The following ADAMTS14 variants were observed in gnomAD, a reference collection of about 807,000 sequenced individuals.
ADAMTS14 encodes A disintegrin and metalloproteinase with thrombospondin motifs 14.
In ADAMTS14, 100 loss-of-function variants were observed where a neutral mutation model predicts 128.6. The observed-to-expected ratio is 0.78, with a 90% CI of 0.66 to 0.92. The LOEUF (loss-of-function observed/expected upper bound fraction) is 0.92, where lower values mean the gene tolerates loss of function less well. ADAMTS14 is among the 40% of genes least tolerant of loss of function. The probability of loss-of-function intolerance (pLI) is 0.00; values close to 1 mark genes in which losing one functional copy is unlikely to be tolerated. For missense variants in ADAMTS14, 1,562 were observed against 1,658.6 expected, an observed-to-expected ratio of 0.94 and a Z score of 1.01; for synonymous variants, 665 against 653.8, an observed-to-expected ratio of 1.02 and a Z score of -0.26.
chr10:70,708,578 T>C lies in ADAMTS14; in HGVS notation c.680-10T>C. The C allele has an allele frequency of 6.3e-7, 1 of 1,596,728 alleles. No homozygotes were observed. The highest frequency in any genetic ancestry group is 8.6e-7 in the Non-Finnish European group (1 of 1,166,916). ...GGTTGGACCTCACTCTCTTCCTGTC[T>C]TGGTTCCAGCCTTTGGCCTGGGAGA... On this transcript the variant is annotated splice_polypyrimidine_tract_variant and intron_variant, in intron 3 of 21. Transcript: ENST00000373207.
intron 4 of ADAMTS14, among the ~76,000 whole-genome samples, chr10:70,720,440 G>T (rs373846466): frequency 1.4e-4 from 22 of 152,304 alleles, no homozygotes; most frequent in African/African-American, 5.3e-4. Flanking sequence ...AAATCATGGG[G>T]TATCTGACCA....
chr10:70,709,602 G>A (rs34932449), intron 4 of ADAMTS14, among the ~76,000 whole-genome samples: 12 of 138,692 alleles, frequency 8.7e-5, no homozygotes, highest in Non-Finnish European at 1.7e-4. Flanking sequence ...CCGGGTTCAC[G>A]CCATTCTCCT....
At chr10:70,690,326 C>T (rs953663660) in intron 2 of ADAMTS14, among the ~76,000 whole-genome samples, 1 of 144,402 alleles carries the variant, frequency 6.9e-6, no homozygotes, top group African/African-American at 2.5e-5. Context: ...AGGACAGGAC[C>T]ATGCCACCTG....
chr10:70,675,654 T>C (rs2132524260), intron 2 of ADAMTS14, among the ~76,000 whole-genome samples: 1 of 152,330 alleles, frequency 6.6e-6, no homozygotes, highest in East Asian at 1.9e-4. Flanking sequence ...GCTTCCGCAA[T>C]GCTTCCCAGA....
rs372668477 is a variant in ADAMTS14 at position 70,752,151 on chromosome 10, C to T, written c.2653C>T (p.Arg885Ter). ...RRRRDHHMVQRHLCDHKKRPK... is the reference protein window; with the variant it reads ...RRRRDHHMVQ ...CAGACGAGACCACCACATGGTGCAG[C>T]GACACCTGTGTGACCACAAGAAGAG... Residue 885 changes from arginine to a stop codon, truncating the protein, a stop_gained, in exon 18 of 22, where the codon CGA becomes TGA. Transcript: ENST00000373207. LOFTEE classifies it high-confidence loss of function. 1.8e-5 allele frequency: 29 copies of T among 1,613,364 alleles called. No homozygotes were observed. The highest frequency in any genetic ancestry group is 8.0e-5 in the African/African-American group (6 of 74,942).
At chr10:70,715,207 T>C (rs57763970) in intron 4 of ADAMTS14, among the ~76,000 whole-genome samples, 133 of 152,328 alleles carry the variant, frequency 8.7e-4, no homozygotes, top group African/African-American at 3.0e-3. Flanking sequence ...TAAGGAAAGC[T>C]GAGAAGGCTT....
At chr10:70,678,357 T>G (rs1454008309) in intron 2 of ADAMTS14, among the ~76,000 whole-genome samples, 5 of 152,222 alleles carry the variant, frequency 3.3e-5, no homozygotes, top group African/African-American at 1.2e-4. Context: ...CAGCATTCAC[T>G]TGGTTTTCTA....
chr10:70,738,519 C>T (rs1475970260), intron 10 of ADAMTS14, among the ~76,000 whole-genome samples: 1 of 152,206 alleles, frequency 6.6e-6, no homozygotes, highest in African/African-American at 2.4e-5. Context: ...CTTCTCTCCC[C>T]TATCAGCCTT....
At chr10:70,700,399 T>C (rs1396952630) in intron 2 of ADAMTS14, among the ~76,000 whole-genome samples, 1 of 152,208 alleles carries the variant, frequency 6.6e-6, no homozygotes, top group African/African-American at 2.4e-5. Context: ...TGTGGAAACC[T>C]GGGCTGACAG....
intron 21 of ADAMTS14, 110 bp from the exon 22 acceptor site, chr10:70,760,250 A>T: frequency 7.1e-7 from 1 of 1,407,450 alleles, no homozygotes. Flanking sequence ...TGGGTCCAGC[A>T]GGGGCAGGGG....
At position 70,760,945 on chromosome 10, in the gene ADAMTS14, A is replaced by G; in HGVS notation, c.*92A>G. 5 of 1,439,066 alleles carry G rather than the reference A, an allele frequency of 3.5e-6. No homozygotes were observed. The highest frequency in any genetic ancestry group is 4.6e-6 in the Non-Finnish European group (5 of 1,090,920). The allele number at this position is 1,439,066 out of a possible 1,614,324, so 89.1% of individuals were successfully genotyped here. On this transcript the variant is annotated 3_prime_UTR_variant, in exon 22 of 22. Transcript: ENST00000373207. ...GGACACACATAGCAGGGCAGGCGCA[A>G]GCACAGACTTCATTTTAAATCATTC...
intron 4 of ADAMTS14, among the ~76,000 whole-genome samples, chr10:70,723,381 A>G (rs954162862): frequency 6.6e-6 from 1 of 152,234 alleles, no homozygotes; most frequent in Non-Finnish European, 1.5e-5. Flanking sequence ...AATAAAATGT[A>G]GACTTTAGTT....
At chr10:70,714,975 A>G (rs1048729500) in intron 4 of ADAMTS14, among the ~76,000 whole-genome samples, 7 of 151,386 alleles carry the variant, frequency 4.6e-5, no homozygotes, top group African/African-American at 1.7e-4. Flanking sequence ...AAAAAAAAGA[A>G]ACAAAACCTG....
At chr10:70,703,965 G>A (rs1045052556) in intron 3 of ADAMTS14, among the ~76,000 whole-genome samples, 3 of 152,232 alleles carry the variant, frequency 2.0e-5, no homozygotes, top group Non-Finnish European at 4.4e-5. Flanking sequence ...AAGGCCAGTC[G>A]TGGGGCTGAG....
At chr10:70,738,032 C>T (rs1841880789) in intron 10 of ADAMTS14, among the ~76,000 whole-genome samples, 1 of 152,148 alleles carries the variant, frequency 6.6e-6, no homozygotes, top group African/African-American at 2.4e-5. Flanking sequence ...AGTTCCTACC[C>T]CTAGTGATTC....
chr10:70,744,076 G>C lies in ADAMTS14; in HGVS notation c.2069G>C (p.Cys690Ser). The C allele has an allele frequency of 6.4e-7, 1 of 1,563,660 alleles. No homozygotes were observed. Among genetic ancestry groups the C allele is most frequent in the African/African-American group, 1.4e-5 (1 of 73,718 alleles). The change falls in exon 14 of 22, where the codon TGT becomes TCT. Residue 690 changes from cysteine to serine, a missense_variant. Physicochemically the swap from Cys to Ser is moderately radical, Grantham distance 112. Coordinates refer to ENST00000373207, the MANE Select transcript of ADAMTS14 (RefSeq NM_080722.4). ...CACCTCTGGCCTCAGCCTGTCGGCT[G>C]TGACAAGGAGGTGGGGTCCATGAAG... ...CARGECVPVG[C>S]DKEVGSMKAD...
chr10:70,730,544 GGGCTTCAAGA>G (rs1186439768), intron 6 of ADAMTS14, among the ~76,000 whole-genome samples: 1 of 152,278 alleles, frequency 6.6e-6, no homozygotes, highest in East Asian at 1.9e-4. Context: ...GACCCTCCAT[GGGCTTCAAGA>G]TGCTTCTCTC....
At chr10:70,694,391 A>G (rs2132574299) in intron 2 of ADAMTS14, among the ~76,000 whole-genome samples, 1 of 152,352 alleles carries the variant, frequency 6.6e-6, no homozygotes, top group South Asian at 2.1e-4. Context: ...ATACCACGCA[A>G]TTCGCCCATT....
intron 4 of ADAMTS14, among the ~76,000 whole-genome samples, chr10:70,724,413 C>A (rs1263748337): frequency 2.0e-5 from 3 of 152,210 alleles, no homozygotes; most frequent in Non-Finnish European, 2.9e-5. Context: ...TCCGTGATCT[C>A]CCCTGAGCTA....
Sources: allele counts gnomAD v4.1 joint callset (sites outside exome capture counted in the v4.1 genomes callset), GRCh38; gene constraint gnomAD v4.1.1; transcripts MANE v1.5; gene names NCBI Gene and HGNC (gene_info 2026-07-23, HGNC 2026-07-21).